ADK: variants seen among roughly 807,000 people sequenced by gnomAD.
ADK encodes the protein N6,N6-dimethyladenosine kinase.
Under a neutral mutation model 44.7 loss-of-function variants are expected in ADK, and 24 were observed. The ratio of observed to expected loss-of-function variants is 0.54; its 90% CI spans 0.39 to 0.76. ADK has a LOEUF of 0.76. ADK is among the 30% of genes least tolerant of loss of function. ADK has a pLI of 0.00. For synonymous variants in ADK, 128 were observed against 142.6 expected (o/e 0.90, Z 0.73); for missense variants, 321 against 425.1 (o/e 0.76, Z 2.15).
intron 6 of ADK, among the ~76,000 whole-genome samples, chr10:74,454,965 T>C (rs1477596167): frequency 6.6e-6 from 1 of 152,186 alleles, no homozygotes; most frequent in Admixed American, 6.5e-5. Context: ...TTTTATGATC[T>C]GTTTCTAGAG....
intron 6 of ADK, among the ~76,000 whole-genome samples, chr10:74,435,766 T>A (rs2133107313): frequency 6.6e-6 from 1 of 152,204 alleles, no homozygotes; most frequent in Middle Eastern, 3.4e-3. Flanking sequence ...GATAACATAT[T>A]TAAAGTGCTG....
chr10:74,550,785 T>G (rs757768364), intron 7 of ADK, among the ~76,000 whole-genome samples: 3 of 152,222 alleles, frequency 2.0e-5, no homozygotes, highest in Admixed American at 6.5e-5. Flanking sequence ...ATTTATATCA[T>G]TTTACTTATT....
chr10:74,328,504 C>A (rs1841096607), intron 4 of ADK, among the ~76,000 whole-genome samples: 1 of 152,078 alleles, frequency 6.6e-6, no homozygotes, highest in Non-Finnish European at 1.5e-5. Flanking sequence ...GTGTCCCCAC[C>A]CAAACCTCAT....
rs376363136 is a variant in ADK at position 74,661,542 on chromosome 10, C to CT, written c.878-8640dup. Reference sequence around the variant, plus strand: ...GATAACTACCGTTGCATTCCATTGCCTGATGTATCAAATCCAAACTTTTGC... The same window carrying CT: ...GATAACTACCGTTGCATTCCATTGCCTTGATGTATCAAATCCAAACTTTTGC... On this transcript the variant is annotated intron_variant, in intron 9 of 10. Transcript: ENST00000539909. Among the ~76,000 whole-genome samples the CT allele has an allele frequency of 5.1e-3, 777 of 152,290 alleles. 9 individuals are homozygous for CT. Among genetic ancestry groups the CT allele is most frequent in the African/African-American group, 0.018 (739 of 41,552 alleles).
At chr10:74,419,230 A>G (rs981615030) in intron 6 of ADK, among the ~76,000 whole-genome samples, 1 of 152,154 alleles carries the variant, frequency 6.6e-6, no homozygotes, top group Non-Finnish European at 1.5e-5. Context: ...TGCAAGACTC[A>G]ATATGCAAAG....
chr10:74,521,298 GTATATTTATAAAA>G (rs141103184), intron 6 of ADK, among the ~76,000 whole-genome samples: 1,848 of 152,168 alleles, frequency 0.012, 49 homozygotes, highest in African/African-American at 0.039. Context: ...GACAAGTTTT[GTATATTTATAAAA>G]TTAACAAAAT....
chr10:74,620,326 T>C (rs982551171), intron 9 of ADK, among the ~76,000 whole-genome samples: 2 of 152,194 alleles, frequency 1.3e-5, no homozygotes, highest in Non-Finnish European at 2.9e-5. Context: ...TTCTGTGAGA[T>C]CAACTTTTTT....
At chr10:74,169,538 A>G (rs112231184) in intron 1 of ADK, among the ~76,000 whole-genome samples, 10 of 152,346 alleles carry the variant, frequency 6.6e-5, no homozygotes, top group East Asian at 3.9e-4. Context: ...ATAAAGTTCA[A>G]TCAGTCAAAT....
chr10:74,411,573 T>C (rs1205643185), intron 6 of ADK, among the ~76,000 whole-genome samples: 1 of 152,234 alleles, frequency 6.6e-6, no homozygotes, highest in Non-Finnish European at 1.5e-5. Context: ...ATGCTAGTGA[T>C]CATCTGAGCC....
chr10:74,182,087 A>G lies in ADK; in HGVS notation c.66-18677A>G, dbSNP rs140561608. ...CTCGAAACTTTTTGAGGTATGTCCAATAGAATCTGCCAAGCCACTCAGAAC... is the reference window on the plus strand; with the variant it reads ...CTCGAAACTTTTTGAGGTATGTCCAGTAGAATCTGCCAAGCCACTCAGAAC... On this transcript the variant is annotated intron_variant, in intron 1 of 10. Coordinates refer to ENST00000539909, the MANE Select transcript of ADK (RefSeq NM_006721.4). Among the ~76,000 whole-genome samples the G allele has an allele frequency of 3.1e-3, 472 of 152,280 alleles. 1 individual carries two copies. Among genetic ancestry groups the G allele is most frequent in the African/African-American group, 9.7e-3 (404 of 41,558 alleles).
intron 7 of ADK, among the ~76,000 whole-genome samples, chr10:74,566,201 CTT>C (rs772254919): frequency 7.9e-5 from 9 of 113,994 alleles, no homozygotes; most frequent in South Asian, 2.7e-4. Context: ...CTCTCTCTCT[CTT>C]TTTTTTTTTT....
intron 3 of ADK, among the ~76,000 whole-genome samples, chr10:74,225,788 T>G (rs114977026): frequency 0.013 from 1,940 of 152,246 alleles, 49 homozygotes; most frequent in African/African-American, 0.044. Flanking sequence ...TGTCAAGAAA[T>G]TTTTTTGCTC....
At chr10:74,437,141 A>G (rs1340713350) in intron 6 of ADK, among the ~76,000 whole-genome samples, 1 of 152,152 alleles carries the variant, frequency 6.6e-6, no homozygotes, top group Non-Finnish European at 1.5e-5. Context: ...GATAGAAGCA[A>G]TATTATAAGT....
chr10:74,375,479 C>T (rs1348380740), intron 4 of ADK, among the ~76,000 whole-genome samples: 2 of 152,088 alleles, frequency 1.3e-5, no homozygotes, highest in African/African-American at 4.8e-5. Flanking sequence ...ATGGACTCTC[C>T]AGAGATGTGG....
At chr10:74,171,842 G>C (rs1307701086) in intron 1 of ADK, among the ~76,000 whole-genome samples, 2 of 149,850 alleles carry the variant, frequency 1.3e-5, no homozygotes, top group South Asian at 2.1e-4. Context: ...GTGTGTGTGT[G>C]TATTTAGAAA....
chr10:74,222,167 A>G (rs1257981776), intron 2 of ADK, among the ~76,000 whole-genome samples: 7 of 152,184 alleles, frequency 4.6e-5, no homozygotes, highest in African/African-American at 1.7e-4. Context: ...ATTTACAAGA[A>G]AAAACAAACA....
chr10:74,696,064 A>T (rs1052602653), intron 10 of ADK, among the ~76,000 whole-genome samples: 4 of 152,116 alleles, frequency 2.6e-5, no homozygotes, highest in Non-Finnish European at 5.9e-5. Flanking sequence ...TCTGTTACCC[A>T]GGCTGGAATA....
At chr10:74,398,608 G>A (rs1843602583) in intron 6 of ADK, 29 bp downstream of exon 6, 4 of 1,301,282 alleles carry the variant, frequency 3.1e-6, no homozygotes, top group Admixed American at 1.7e-5. Flanking sequence ...CAAATCTCTA[G>A]TACATATTTA....
chr10:74,284,316 G>GCAATGGCAGC (rs1847070289), intron 3 of ADK, among the ~76,000 whole-genome samples: 1 of 143,282 alleles, frequency 7.0e-6, no homozygotes, highest in African/African-American at 2.6e-5. Flanking sequence ...TGCCTAGGCT[G>GCAATGGCAGC]TGCAATGGCA....
Sources: allele counts gnomAD v4.1 joint callset (sites outside exome capture counted in the v4.1 genomes callset), GRCh38; gene constraint gnomAD v4.1.1; transcripts MANE v1.5; gene names NCBI Gene and HGNC (gene_info 2026-07-23, HGNC 2026-07-21).